Variants in KLHL29 observed in about 807,000 individuals in gnomAD.
The protein encoded by KLHL29 is kelch-like protein 29.
KLHL29 carries 21 observed loss-of-function variants against 80.4 expected under a neutral mutation model. That is an observed-to-expected ratio of 0.26 (90% confidence interval 0.19 to 0.38). KLHL29 has a LOEUF of 0.38. KLHL29 is among the 10% of genes least tolerant of loss of function. The pLI, the probability that KLHL29 is intolerant of heterozygous loss-of-function variation, is 1.00. For synonymous variants in KLHL29, 511 were observed against 526.8 expected, an observed-to-expected ratio of 0.97 and a Z score of 0.41; for missense variants, 867 against 1,223.9, an observed-to-expected ratio of 0.71 and a Z score of 4.35.
At chr2:23,664,930 C>T (rs1165294552) in intron 5 of KLHL29, among the ~76,000 whole-genome samples, 1 of 152,218 alleles carries the variant, frequency 6.6e-6, no homozygotes, top group Non-Finnish European at 1.5e-5. Flanking sequence ...TCCCAAACAG[C>T]CTAGAAAAGC....
rs560965681 is a variant in KLHL29 at position 23,390,726 on chromosome 2, G to A, written c.-154+4946G>A. Among the ~76,000 whole-genome samples, 34 of 139,788 alleles carry A rather than the reference G, an allele frequency of 2.4e-4. No individual in the cohort carries two copies. The South Asian group carries it at 2.9e-3, about 12-fold the overall frequency. 91.7% of individuals were successfully genotyped at this position (139,788 alleles called of 152,430 possible). ...GAGTGCAATGACACAATCTTGGCTC[G>A]CTGCAACCCCTGCCTCCTGGGTTCA... On this transcript the variant is annotated intron_variant, in intron 1 of 13. Coordinates refer to ENST00000486442, the MANE Select transcript of KLHL29 (RefSeq NM_052920.2).
chr2:23,495,365 TG>T (rs1273824166), intron 2 of KLHL29, among the ~76,000 whole-genome samples: 1 of 152,200 alleles, frequency 6.6e-6, no homozygotes, highest in Non-Finnish European at 1.5e-5. Context: ...TCCAGGTCAT[TG>T]CCCCTACCTG....
intron 5 of KLHL29, among the ~76,000 whole-genome samples, chr2:23,679,455 T>G (rs1473533214): frequency 1.3e-5 from 2 of 152,194 alleles, no homozygotes; most frequent in African/African-American, 4.8e-5. Context: ...GAGCAAAGCT[T>G]CTTAAGGCCG....
chr2:23,523,358 G>A (rs1462497436), intron 2 of KLHL29, among the ~76,000 whole-genome samples: 1 of 152,204 alleles, frequency 6.6e-6, no homozygotes, highest in Admixed American at 6.5e-5. Context: ...ACTAAACGGT[G>A]GTTCTTGCCA....
At chr2:23,658,497 G>A (rs770951782) in intron 5 of KLHL29, among the ~76,000 whole-genome samples, 2 of 152,298 alleles carry the variant, frequency 1.3e-5, no homozygotes, top group East Asian at 3.9e-4. Context: ...CAGGCCCCAC[G>A]TCCCCTTGAC....
chr2:23,539,617 T>A (rs933559401), intron 2 of KLHL29, among the ~76,000 whole-genome samples: 1 of 151,748 alleles, frequency 6.6e-6, no homozygotes, highest in African/African-American at 2.4e-5. Context: ...ATTTTTGTAT[T>A]TTTTTTAAGA....
intron 2 of KLHL29, among the ~76,000 whole-genome samples, chr2:23,518,959 C>A (rs751739390): frequency 1.3e-5 from 2 of 152,206 alleles, no homozygotes; most frequent in Non-Finnish European, 2.9e-5. Context: ...TTAGTGACTT[C>A]CCCCAGGCAA....
At chr2:23,620,337 GA>G (rs1669139938) in intron 3 of KLHL29, among the ~76,000 whole-genome samples, 1 of 152,170 alleles carries the variant, frequency 6.6e-6, no homozygotes, top group Non-Finnish European at 1.5e-5. Flanking sequence ...TTACATTTTA[GA>G]AAAAGAACTG....
intron 3 of KLHL29, among the ~76,000 whole-genome samples, chr2:23,601,070 C>G (rs1252099252): frequency 1.3e-5 from 2 of 152,214 alleles, no homozygotes; most frequent in African/African-American, 2.4e-5. Flanking sequence ...CTGCAGCTCA[C>G]AGATGTTCAA....
intron 1 of KLHL29, among the ~76,000 whole-genome samples, chr2:23,444,155 A>C (rs781213366): frequency 1.4e-4 from 21 of 152,096 alleles, no homozygotes; most frequent in Non-Finnish European, 2.8e-4. Context: ...TTTTAGTGGG[A>C]CTTACCTCTT....
chr2:23,686,472 C>A (rs1412916317), intron 6 of KLHL29, among the ~76,000 whole-genome samples: 1 of 152,062 alleles, frequency 6.6e-6, no homozygotes, highest in East Asian at 1.9e-4. Context: ...GAAATTGGTT[C>A]AAGTGATGCC....
chr2:23,583,819 A>G (rs1298007860), intron 3 of KLHL29, among the ~76,000 whole-genome samples: 1 of 152,212 alleles, frequency 6.6e-6, no homozygotes, highest in Non-Finnish European at 1.5e-5. Context: ...AAAAGCTCCA[A>G]GCCCCAACCA....
At chr2:23,404,386 G>A (rs1049430382) in intron 1 of KLHL29, among the ~76,000 whole-genome samples, 13 of 150,750 alleles carry the variant, frequency 8.6e-5, no homozygotes, top group Non-Finnish European at 4.4e-5. Flanking sequence ...AGTTAGACAC[G>A]CCGAAGTGAA....
intron 3 of KLHL29, among the ~76,000 whole-genome samples, chr2:23,574,548 G>A (rs942881911): frequency 3.9e-5 from 6 of 152,162 alleles, no homozygotes; most frequent in African/African-American, 1.4e-4. Flanking sequence ...TGGCGTGGAG[G>A]GAAGGGACAG....
At chr2:23,527,137 C>T (rs1666351137) in intron 2 of KLHL29, among the ~76,000 whole-genome samples, 1 of 152,186 alleles carries the variant, frequency 6.6e-6, no homozygotes, top group Admixed American at 6.5e-5. Flanking sequence ...AACCAGGCTC[C>T]TTAACATGGG....
chr2:23,423,024 A>G (rs1662868251), intron 1 of KLHL29, among the ~76,000 whole-genome samples: 1 of 152,232 alleles, frequency 6.6e-6, no homozygotes, highest in South Asian at 2.1e-4. Flanking sequence ...CAGCCCTTGA[A>G]TGGGTCTTGC....
chr2:23,468,676 C>T (rs1041809095), intron 1 of KLHL29, among the ~76,000 whole-genome samples: 2 of 152,198 alleles, frequency 1.3e-5, no homozygotes, highest in Non-Finnish European at 2.9e-5. Context: ...ACACCTATAG[C>T]TTTGGTCTGG....
At chr2:23,546,167 A>C (rs1032837471) in intron 2 of KLHL29, among the ~76,000 whole-genome samples, 2 of 152,154 alleles carry the variant, frequency 1.3e-5, no homozygotes, top group African/African-American at 2.4e-5. Flanking sequence ...CCCTTGCCTG[A>C]GGCTGGGCTC....
intron 5 of KLHL29, among the ~76,000 whole-genome samples, chr2:23,653,111 T>G (rs1670131118): frequency 6.6e-6 from 1 of 152,160 alleles, no homozygotes; most frequent in African/African-American, 2.4e-5. Context: ...ACCCGTCTGC[T>G]CCGTTCAAAC....
Sources: gnomAD v4.1 joint callset for allele counts (sites outside exome capture counted in the v4.1 genomes callset) on GRCh38, gnomAD v4.1.1 for gene constraint, MANE v1.5 for transcripts, NCBI Gene and HGNC (gene_info 2026-07-23, HGNC 2026-07-21) for gene names.